Variants in RANBP17 observed in about 807,000 individuals in gnomAD.
The protein encoded by RANBP17 is RAN binding protein 17.
A neutral mutation model predicts 141.2 loss-of-function variants in RANBP17; 158 were observed. The ratio of observed to expected loss-of-function variants is 1.12; its 90% CI spans 0.98 to 1.28. RANBP17 has a LOEUF of 1.28. Ranked by LOEUF, RANBP17 falls within the 50% of genes most tolerant of loss-of-function variation. RANBP17 has a pLI of 0.00. For missense variants in RANBP17, 1,438 were observed against 1,290.7 expected (o/e 1.11, Z -1.75); for synonymous variants, 430 against 450.0 (o/e 0.96, Z 0.56).
intron 14 of RANBP17, among the ~76,000 whole-genome samples, chr5:170,992,109 T>C (rs1387834808): frequency 6.6e-6 from 1 of 152,050 alleles, no homozygotes; most frequent in Non-Finnish European, 1.5e-5. Context: ...ACTTCTGGCC[T>C]GATGAAATCT....
rs533250977 is a variant in RANBP17, at chr5:171,111,904, CTG to C, written c.1711-58223_1711-58222del. 3.7e-4 allele frequency among the ~76,000 whole-genome samples: 56 copies of C among 152,294 alleles called. No homozygotes were observed. The South Asian group carries it at 6.0e-3, about 16-fold the overall frequency. ...CTTAGGGATCATGCCTTATTTATCT[CTG>C]TGCCTCTAGTGCCCAGAAAAATGGC... On this transcript the variant is annotated intron_variant, in intron 14 of 27. Coordinates refer to ENST00000523189, the MANE Select transcript of RANBP17 (RefSeq NM_022897.5).
At chr5:171,099,961 T>G (rs1034167315) in intron 14 of RANBP17, among the ~76,000 whole-genome samples, 1 of 152,224 alleles carries the variant, frequency 6.6e-6, no homozygotes, top group African/African-American at 2.4e-5. Flanking sequence ...GCTGACTTGA[T>G]CGTGGTAGAT....
At chr5:171,042,524 A>G (rs1285861044) in intron 14 of RANBP17, among the ~76,000 whole-genome samples, 2 of 152,096 alleles carry the variant, frequency 1.3e-5, no homozygotes, top group African/African-American at 4.8e-5. Context: ...GAGATGATTA[A>G]TTAATGCTGG....
At chr5:171,053,501 A>T (rs1168634677) in intron 14 of RANBP17, among the ~76,000 whole-genome samples, 6 of 152,162 alleles carry the variant, frequency 3.9e-5, no homozygotes, top group African/African-American at 9.7e-5. Context: ...TGGAATTTTT[A>T]AAATTTTCCT....
At chr5:171,161,472 T>A in intron 14 of RANBP17, 1 of 197,076 alleles carries the variant, frequency 5.1e-6, no homozygotes, top group East Asian at 7.9e-5. Flanking sequence ...TTAAGGTGAG[T>A]TGGGTTGCTG....
chr5:170,988,753 G>C (rs1234240587), intron 14 of RANBP17, among the ~76,000 whole-genome samples: 1 of 151,718 alleles, frequency 6.6e-6, no homozygotes, highest in Admixed American at 6.6e-5. Context: ...GATAGTTCTT[G>C]CTTCTGGAAT....
In RANBP17 at chr5:171,181,151, G is replaced by A. The variant is rs186911730; in HGVS notation, c.1866-2016G>A. 2.4e-3 allele frequency among the ~76,000 whole-genome samples: 368 copies of A among 152,264 alleles called. 2 individuals carry two copies. The highest frequency in any genetic ancestry group is 9.8e-3 in the South Asian group (47 of 4,820). On this transcript the variant is annotated intron_variant, in intron 16 of 27. Transcript: ENST00000523189. The stretch of plus-strand genomic sequence containing the variant: ...CATCTTTGGAGGCAAGGAAAAACTT[G>A]CTACCTGACAGCCTTGATCTTGTTG...
chr5:171,132,548 C>T (rs1199832571), intron 14 of RANBP17, among the ~76,000 whole-genome samples: 1 of 151,690 alleles, frequency 6.6e-6, no homozygotes, highest in African/African-American at 2.4e-5. Flanking sequence ...ATAGGGGGAC[C>T]CCATCTCTAC....
intron 14 of RANBP17, among the ~76,000 whole-genome samples, chr5:171,068,439 G>T (rs1192527282): frequency 1.3e-5 from 2 of 152,078 alleles, no homozygotes; most frequent in Non-Finnish European, 2.9e-5. Context: ...CCTGTGCATA[G>T]CTTATACTTT....
chr5:170,892,655 TA>T, intron 4 of RANBP17, 102 bp downstream of exon 4: 1 of 770,304 alleles, frequency 1.3e-6, no homozygotes. Flanking sequence ...TGACTACCAG[TA>T]CCATGTTAAT....
intron 14 of RANBP17, among the ~76,000 whole-genome samples, chr5:171,097,490 A>T (rs887680408): frequency 6.6e-6 from 1 of 151,946 alleles, no homozygotes; most frequent in African/African-American, 2.4e-5. Flanking sequence ...GAATGAGTAA[A>T]CAAGTCTGTA....
intron 14 of RANBP17, among the ~76,000 whole-genome samples, chr5:171,097,535 G>A (rs1039960875): frequency 2.6e-5 from 4 of 151,240 alleles, no homozygotes; most frequent in South Asian, 2.1e-4. Context: ...AATGAAATGG[G>A]TGTCTAAGAA....
At chr5:170,900,666 C>T (rs1770557765) in intron 5 of RANBP17, among the ~76,000 whole-genome samples, 1 of 152,074 alleles carries the variant, frequency 6.6e-6, no homozygotes, top group Non-Finnish European at 1.5e-5. Context: ...TATAAATTTC[C>T]CTCTAAACAC....
At chr5:171,150,849 A>T (rs1561706625) in intron 14 of RANBP17, among the ~76,000 whole-genome samples, 1 of 152,186 alleles carries the variant, frequency 6.6e-6, no homozygotes, top group African/African-American at 2.4e-5. Flanking sequence ...TTGGTTTGTT[A>T]AATTCCTAGC....
intron 18 of RANBP17, among the ~76,000 whole-genome samples, chr5:171,187,134 A>G (rs1581819788): frequency 6.6e-6 from 1 of 152,124 alleles, no homozygotes; most frequent in Non-Finnish European, 1.5e-5. Context: ...GTCTCAGAAA[A>G]TAGAGAGGCC....
chr5:170,980,819 G>A lies in RANBP17; in HGVS notation c.1710+12442G>A, dbSNP rs1003355988. Among the ~76,000 whole-genome samples the A allele has an allele frequency of 3.3e-5, 5 of 152,220 alleles. No homozygotes were observed. The East Asian group carries it at 9.6e-4, about 29-fold the overall frequency. On this transcript the variant is annotated intron_variant, in intron 14 of 27. Transcript: ENST00000523189. ...CACACAGAGTCCCTACTGGGGCATC[G>A]TCTAGTGGAGCTGTGAGAAGAGGGC...
intron 12 of RANBP17, among the ~76,000 whole-genome samples, chr5:170,929,066 A>G (rs575817315): frequency 1.3e-5 from 2 of 152,192 alleles, no homozygotes; most frequent in East Asian, 1.9e-4. Context: ...CTGCTACTCT[A>G]TTAAACCAGA....
intron 25 of RANBP17, among the ~76,000 whole-genome samples, chr5:171,292,305 C>A (rs773764749): frequency 2.6e-5 from 4 of 152,190 alleles, no homozygotes; most frequent in Non-Finnish European, 4.4e-5. Flanking sequence ...ACGTTTAGAA[C>A]GGCAAAGAAG....
At chr5:171,003,371 T>C (rs987594471) in intron 14 of RANBP17, among the ~76,000 whole-genome samples, 4 of 152,108 alleles carry the variant, frequency 2.6e-5, no homozygotes, top group African/African-American at 9.7e-5. Flanking sequence ...TGTATTGGTT[T>C]TGTTAGGATG....
Sources: gnomAD v4.1 joint callset for allele counts (sites outside exome capture counted in the v4.1 genomes callset) on GRCh38, gnomAD v4.1.1 for gene constraint, MANE v1.5 for transcripts, NCBI Gene and HGNC (gene_info 2026-07-23, HGNC 2026-07-21) for gene names.